The following GARRE1 variants were observed in gnomAD, a reference collection of about 807,000 sequenced individuals.
GARRE1 encodes the protein granule associated Rac and RHOG effector protein 1.
A neutral mutation model predicts 103.2 loss-of-function variants in GARRE1; 49 were observed. The ratio of observed to expected loss-of-function variants is 0.47; its 90% confidence interval spans 0.38 to 0.60. GARRE1 has a LOEUF of 0.60. Ranked by LOEUF, GARRE1 falls within the 20% of genes least tolerant of loss-of-function variation. The probability of loss-of-function intolerance (pLI) is 0.00; values close to 1 mark genes in which losing one functional copy is unlikely to be tolerated. For missense variants in GARRE1, 1,199 were observed against 1,370.5 expected (o/e 0.87, Z 1.98); for synonymous variants, 505 against 532.8 (o/e 0.95, Z 0.72).
intron 3 of GARRE1, among the ~76,000 whole-genome samples, chr19:34,321,768 A>C (rs1270692181): frequency 6.6e-6 from 1 of 152,140 alleles, no homozygotes; most frequent in East Asian, 1.9e-4. Context: ...GAGCCACTGC[A>C]CTGGGCCAAC....
At chr19:34,312,875 C>T (rs1275404806) in intron 2 of GARRE1, among the ~76,000 whole-genome samples, 1 of 151,988 alleles carries the variant, frequency 6.6e-6, no homozygotes, top group African/African-American at 2.4e-5. Context: ...TGCAGTGAGC[C>T]AAGATCGTGC....
At chr19:34,308,687 T>C (rs753365653) in intron 2 of GARRE1, among the ~76,000 whole-genome samples, 1 of 152,198 alleles carries the variant, frequency 6.6e-6, no homozygotes, top group Non-Finnish European at 1.5e-5. Flanking sequence ...TTGACTTTGA[T>C]TTGTCAAGAC....
intron 8 of GARRE1, among the ~76,000 whole-genome samples, chr19:34,335,798 T>G (rs1433085118): frequency 1.3e-5 from 2 of 152,164 alleles, no homozygotes; most frequent in African/African-American, 4.8e-5. Flanking sequence ...AGTGCTAGGT[T>G]TACAGGCGTG....
intron 1 of GARRE1, among the ~76,000 whole-genome samples, chr19:34,267,710 G>A (rs559014213): frequency 1.3e-5 from 2 of 149,624 alleles, no homozygotes; most frequent in African/African-American, 2.5e-5. Context: ...TCTAACTGGT[G>A]TAGACTGTTG....
At chr19:34,330,875 T>G (rs1037583119) in intron 7 of GARRE1, among the ~76,000 whole-genome samples, 5 of 150,362 alleles carry the variant, frequency 3.3e-5, no homozygotes, top group African/African-American at 1.2e-4. Context: ...GCTGAGATGG[T>G]AGGCACCCGC....
intron 13 of GARRE1, 91 bp from the exon 14 acceptor site, chr19:34,352,556 C>T: frequency 1.8e-6 from 2 of 1,112,696 alleles, no homozygotes; most frequent in Non-Finnish European, 2.7e-6. Context: ...ACCCGGCTTC[C>T]TAGGAGGGAA....
intron 1 of GARRE1, among the ~76,000 whole-genome samples, chr19:34,255,710 G>GCTGGTCTCAAAACTT (rs1449725711): frequency 4.0e-5 from 6 of 150,398 alleles, no homozygotes; most frequent in Non-Finnish European, 8.9e-5. Flanking sequence ...TGTTGCCCAG[G>GCTGGTCTCAAAACTT]CTGGTCTCAA....
At chr19:34,276,985 A>C (rs1303996379) in intron 1 of GARRE1, among the ~76,000 whole-genome samples, 1 of 152,200 alleles carries the variant, frequency 6.6e-6, no homozygotes, top group African/African-American at 2.4e-5. Flanking sequence ...ACCCTAGATT[A>C]GACAGGTTGG....
chr19:34,324,139 C>T (rs772037720), intron 3 of GARRE1, among the ~76,000 whole-genome samples: 1 of 152,116 alleles, frequency 6.6e-6, no homozygotes, highest in Non-Finnish European at 1.5e-5. Flanking sequence ...AGTGTTTTCT[C>T]TCCCTCATCC....
chr19:34,282,506 T>A (rs1279869285), intron 1 of GARRE1, among the ~76,000 whole-genome samples: 2 of 152,198 alleles, frequency 1.3e-5, no homozygotes, highest in Non-Finnish European at 2.9e-5. Context: ...CAGTCAGAAT[T>A]TCTTTTCAGG....
rs545687932 is a variant in GARRE1 at position 34,268,895 on chromosome 19, G to A, written c.-796+14281G>A. ...GTAGTGACTGTTTAAAAAAAGTTACGCATTGATCTTCCTGTTCCTTCCCCA... is the reference window on the plus strand; with the variant it reads ...GTAGTGACTGTTTAAAAAAAGTTACACATTGATCTTCCTGTTCCTTCCCCA... On this transcript the variant is annotated intron_variant, in intron 1 of 13. Transcript: ENST00000299505. Among the ~76,000 whole-genome samples, 7 of 152,188 alleles carry A rather than the reference G, an allele frequency of 4.6e-5. No individual in the cohort carries two copies. In the South Asian group the frequency reaches 1.2e-3, roughly 27 times the overall value.
At chr19:34,327,334 G>A in intron 3 of GARRE1, 87 bp from the exon 4 acceptor site, 1 of 1,214,122 alleles carries the variant, frequency 8.2e-7, no homozygotes, top group Non-Finnish European at 1.2e-6. Flanking sequence ...TACTTGAGGG[G>A]GTTTTTCTTG....
chr19:34,285,340 G>A (rs985949457), intron 1 of GARRE1: 6 of 152,014 alleles, frequency 3.9e-5, no homozygotes, highest in South Asian at 2.1e-4. Context: ...GATAGAACTC[G>A]GGCAGGCATG....
chr19:34,287,318 GT>G (rs1215200147), intron 1 of GARRE1, among the ~76,000 whole-genome samples: 1 of 151,968 alleles, frequency 6.6e-6, no homozygotes, highest in Non-Finnish European at 1.5e-5. Flanking sequence ...CTGCTACTAG[GT>G]TTTTTTGTTG....
At chr19:34,272,669 C>T (rs1022041037) in intron 1 of GARRE1, among the ~76,000 whole-genome samples, 7 of 152,158 alleles carry the variant, frequency 4.6e-5, no homozygotes, top group African/African-American at 1.7e-4. Context: ...CTCATCAGTT[C>T]CAAGAAGCTG....
At chr19:34,292,541 G>A (rs1568532046) in intron 1 of GARRE1, among the ~76,000 whole-genome samples, 1 of 152,052 alleles carries the variant, frequency 6.6e-6, no homozygotes, top group Non-Finnish European at 1.5e-5. Flanking sequence ...GCATTTTGAG[G>A]ACCTGCCAAA....
chr19:34,293,226 T>C (rs1263031542), intron 1 of GARRE1, among the ~76,000 whole-genome samples: 2 of 152,192 alleles, frequency 1.3e-5, no homozygotes, highest in African/African-American at 4.8e-5. Context: ...CACTGTGAGC[T>C]TAGCACTAAA....
At chr19:34,340,186 C>T (rs1014994714) in intron 9 of GARRE1, among the ~76,000 whole-genome samples, 194 bp downstream of exon 9, 2 of 152,174 alleles carry the variant, frequency 1.3e-5, no homozygotes, top group Admixed American at 6.5e-5. Flanking sequence ...CTGCTCCATG[C>T]CCTGTACCAG....
intron 13 of GARRE1, 72 bp downstream of exon 13, chr19:34,351,664 G>A: frequency 2.0e-6 from 2 of 1,000,204 alleles, no homozygotes; most frequent in Non-Finnish European, 1.6e-6. Context: ...GGGCCTCAAA[G>A]TAATGAGGGA....
Sources: gnomAD v4.1 joint callset for allele counts (sites outside exome capture counted in the v4.1 genomes callset) on GRCh38, gnomAD v4.1.1 for gene constraint, MANE v1.5 for transcripts, NCBI Gene and HGNC (gene_info 2026-07-23, HGNC 2026-07-21) for gene names.